GALNT18: variants seen among roughly 807,000 people sequenced by gnomAD.
GALNT18 encodes the protein GalNAc-transferase 18.
Under a neutral mutation model 69.5 loss-of-function variants are expected in GALNT18, and 44 were observed. The ratio of observed to expected loss-of-function variants is 0.63; its 90% CI spans 0.50 to 0.81. The LOEUF (loss-of-function observed/expected upper bound fraction) is 0.81, where lower values mean the gene tolerates loss of function less well. GALNT18 is among the 40% of genes least tolerant of loss of function. The pLI, the probability that GALNT18 is intolerant of heterozygous loss-of-function variation, is 0.00. For missense variants in GALNT18, 715 were observed against 810.0 expected, an observed-to-expected ratio of 0.88 and a Z score of 1.42; for synonymous variants, 364 against 318.2, an observed-to-expected ratio of 1.14 and a Z score of -1.53.
At chr11:11,299,907 A>G (rs1849464932) in intron 9 of GALNT18, among the ~76,000 whole-genome samples, 2 of 152,202 alleles carry the variant, frequency 1.3e-5, no homozygotes, top group African/African-American at 2.4e-5. Flanking sequence ...TGTATTTTTC[A>G]ATCATCCAAT....
In GALNT18 at chr11:11,315,873, C is replaced by T. The variant is rs1371832636; in HGVS notation, c.1512+11213G>A. ...CACTACCCTGCACCCCCTCAAACAA[C>T]CATCCTGCACCGAGAAACTGAACGT... On this transcript the variant is annotated intron_variant, in intron 9 of 10. Coordinates refer to ENST00000227756, the MANE Select transcript of GALNT18 (RefSeq NM_198516.3). This position sits in a 1 kb window ranked among gnomAD's most constrained non-coding sequence, Gnocchi z 5.6. Among the ~76,000 whole-genome samples the T allele has an allele frequency of 6.6e-6, 1 of 152,074 alleles. No homozygotes were observed. The highest frequency in any genetic ancestry group is 2.4e-5 in the African/African-American group (1 of 41,394).
intron 6 of GALNT18, among the ~76,000 whole-genome samples, chr11:11,365,832 G>C (rs1163688560): frequency 1.3e-5 from 2 of 152,148 alleles, no homozygotes; most frequent in Non-Finnish European, 1.5e-5. Context: ...ACAAACCCAG[G>C]TTCAAACTCC....
rs1489423056 is a variant in GALNT18 at position 11,340,741 on chromosome 11, GA to G, written c.1278+77del. ...CAGGACTCTGGCTGACCCATAGGAA[GA>G]AGGGTTCGGTCCCATATCTTGTTTT... is the stretch of plus-strand genomic sequence containing the variant. On this transcript the variant is annotated intron_variant, in intron 7 of 10. Transcript: ENST00000227756. This position sits in a 1 kb window ranked among gnomAD's most constrained non-coding sequence, Gnocchi z 4.2. The G allele has an allele frequency of 1.5e-6, 2 of 1,360,382 alleles. No individual in the cohort carries two copies. Among genetic ancestry groups the G allele is most frequent in the Non-Finnish European group, 2.0e-6 (2 of 991,380 alleles). The allele number at this position is 1,360,382 out of a possible 1,614,324, so 84.3% of individuals were successfully genotyped here.
At chr11:11,519,960 T>A (rs1319078337) in intron 1 of GALNT18, among the ~76,000 whole-genome samples, 1 of 152,170 alleles carries the variant, frequency 6.6e-6, no homozygotes, top group Non-Finnish European at 1.5e-5. Flanking sequence ...CGACACTGGA[T>A]CAGGTCTGCC....
At position 11,271,281 on chromosome 11, in the gene GALNT18, T is replaced by A; in HGVS notation, c.1687A>T (p.Ile563Phe). Reference sequence around the variant, plus strand: ...CAGCGCTTAGACTTGCGGTTCTGGATGGGTCCTCCCTAGGGGCCAGGGCAG... The same window carrying A: ...CAGCGCTTAGACTTGCGGTTCTGGAAGGGTCCTCCCTAGGGGCCAGGGCAG... Reference protein sequence around the residue: ...LHWQFSQGGPIQNRKSKRCLE... With the variant: ...LHWQFSQGGPFQNRKSKRCLE... The change falls in exon 11 of 11, where the codon ATC (isoleucine) becomes TTC (phenylalanine). Residue 563 changes from isoleucine to phenylalanine, a missense_variant. Coordinates refer to ENST00000227756, the MANE Select transcript of GALNT18 (RefSeq NM_198516.3). The A allele has an allele frequency of 1.1e-5, 18 of 1,613,916 alleles. No homozygotes were observed. The highest frequency in any genetic ancestry group is 1.5e-5 in the Non-Finnish European group (18 of 1,179,854).
chr11:11,357,289 A>G (rs1850550656), intron 6 of GALNT18, among the ~76,000 whole-genome samples: 1 of 151,956 alleles, frequency 6.6e-6, no homozygotes, highest in Admixed American at 6.6e-5. Context: ...CTCAAGGTCA[A>G]GTCTGTACTT....
chr11:11,536,260 A>G lies in GALNT18; in HGVS notation c.235+85099T>C, dbSNP rs113653097. Among the ~76,000 whole-genome samples, 1,207 of 152,324 alleles carry G rather than the reference A, an allele frequency of 7.9e-3. 11 individuals are homozygous for G. Among genetic ancestry groups the G allele is most frequent in the African/African-American group, 0.028 (1,157 of 41,580 alleles). ...ACATTTCCTCACTGAACTCAATCCAACAGCTCAGTGACATAGGTACTAACA... is the reference window on the plus strand; with the variant it reads ...ACATTTCCTCACTGAACTCAATCCAGCAGCTCAGTGACATAGGTACTAACA... On this transcript the variant is annotated intron_variant, in intron 1 of 10. Coordinates refer to ENST00000227756, the MANE Select transcript of GALNT18 (RefSeq NM_198516.3).
intron 3 of GALNT18, among the ~76,000 whole-genome samples, chr11:11,379,656 T>A (rs1325304049): frequency 2.0e-5 from 3 of 152,190 alleles, no homozygotes; most frequent in Non-Finnish European, 2.9e-5. Context: ...AAAGCCATCA[T>A]CAGCACGGCT....
At chr11:11,579,961 C>T (rs914332938) in intron 1 of GALNT18, among the ~76,000 whole-genome samples, 8 of 152,164 alleles carry the variant, frequency 5.3e-5, no homozygotes, top group African/African-American at 1.9e-4. Flanking sequence ...AAAAGATGTG[C>T]CCCAACCCCT....
intron 1 of GALNT18, among the ~76,000 whole-genome samples, chr11:11,458,408 A>G (rs1156862836): frequency 2.0e-5 from 3 of 152,224 alleles, no homozygotes; most frequent in African/African-American, 7.2e-5. Context: ...TTTTTTAAAA[A>G]AACTTTTCTT....
intron 1 of GALNT18, among the ~76,000 whole-genome samples, chr11:11,527,823 C>A (rs1233640481): frequency 6.6e-6 from 1 of 152,172 alleles, no homozygotes; most frequent in Non-Finnish European, 1.5e-5. Context: ...TTTTCTTAAA[C>A]TGTGAATAGT....
In GALNT18 at chr11:11,347,890, T is replaced by C. The variant is rs1057205743; in HGVS notation, c.1093-6886A>G. On this transcript the variant is annotated intron_variant, in intron 6 of 10. Transcript: ENST00000227756. This position sits in a 1 kb window ranked among gnomAD's most constrained non-coding sequence, Gnocchi z 4.0. Reference sequence around the variant, plus strand: ...GCAGGCTATGGGGAGGAAGACGAGGTGGATGCAGGCTGAGGCTGAGGGCTG... The same window carrying C: ...GCAGGCTATGGGGAGGAAGACGAGGCGGATGCAGGCTGAGGCTGAGGGCTG... 4.6e-5 allele frequency among the ~76,000 whole-genome samples: 7 copies of C among 151,774 alleles called. No homozygotes were observed. Among genetic ancestry groups the C allele is most frequent in the East Asian group, 3.9e-4 (2 of 5,166 alleles).
intron 1 of GALNT18, among the ~76,000 whole-genome samples, chr11:11,464,964 T>C (rs1856124893): frequency 6.6e-6 from 1 of 152,200 alleles, no homozygotes; most frequent in Non-Finnish European, 1.5e-5. Context: ...ACTGGTCAGG[T>C]GCTGGGCTGG....
At chr11:11,424,221 C>T (rs529945040) in intron 3 of GALNT18, among the ~76,000 whole-genome samples, 6 of 152,318 alleles carry the variant, frequency 3.9e-5, no homozygotes, top group Admixed American at 2.0e-4. Context: ...GTGCATGTGG[C>T]GGCTGTCCTG....
chr11:11,558,025 G>A (rs1332472272), intron 1 of GALNT18, among the ~76,000 whole-genome samples: 1 of 152,190 alleles, frequency 6.6e-6, no homozygotes, highest in African/African-American at 2.4e-5. Flanking sequence ...AGGCAGGGGT[G>A]GATGGGCACG....
At chr11:11,285,077 A>G (rs950663083) in intron 10 of GALNT18, among the ~76,000 whole-genome samples, 1 of 152,096 alleles carries the variant, frequency 6.6e-6, no homozygotes, top group Non-Finnish European at 1.5e-5. Flanking sequence ...TTATGGAGAC[A>G]GCAGGATGGC....
chr11:11,429,816 G>C (rs12270446), intron 3 of GALNT18, among the ~76,000 whole-genome samples: 54,366 of 152,018 alleles, frequency 0.36, 11,913 homozygotes, highest in Non-Finnish European at 0.49. Flanking sequence ...TGAAACTAAA[G>C]CTTCTCTAAC....
At position 11,497,300 on chromosome 11, in the gene GALNT18, ATTAT is replaced by A. The variant is rs1463463010; in HGVS notation, c.236-48368_236-48365del. 2.2e-5 allele frequency among the ~76,000 whole-genome samples: 3 copies of A among 137,560 alleles called. No individual in the cohort carries two copies. The highest frequency in any genetic ancestry group is 8.3e-5 in the African/African-American group (3 of 36,154). The allele number at this position is 137,560 out of a possible 152,430, so 90.2% of individuals were successfully genotyped here. A position where few individuals can be genotyped will look rare whatever the true frequency, so the allele number is the denominator to read the frequency against. ...ACCATTACTTAAAATTATCCTACTT[ATTAT>A]TTATGTTTTACCTCCTGTCTCCAAC... On this transcript the variant is annotated intron_variant, in intron 1 of 10. Coordinates refer to ENST00000227756, the MANE Select transcript of GALNT18 (RefSeq NM_198516.3). The surrounding 1 kb of genome is among the most constrained non-coding windows in gnomAD (Gnocchi z 4.2).
At chr11:11,504,909 T>A (rs1297847288) in intron 1 of GALNT18, among the ~76,000 whole-genome samples, 1 of 152,166 alleles carries the variant, frequency 6.6e-6, no homozygotes, top group East Asian at 1.9e-4. Context: ...AAGATCCCTG[T>A]CCTTTTTCCA....
Sources: allele counts gnomAD v4.1 joint callset (sites outside exome capture counted in the v4.1 genomes callset), GRCh38; gene constraint gnomAD v4.1.1; non-coding constraint Gnocchi (gnomAD v3.1); transcripts MANE v1.5; gene names NCBI Gene and HGNC (gene_info 2026-07-23, HGNC 2026-07-21).